The following NTM variants were observed in gnomAD, a reference collection of about 807,000 sequenced individuals.
The protein encoded by NTM is IgLON family member 2.
NTM carries 13 observed loss-of-function variants against 42.1 expected under a neutral mutation model. The ratio of observed to expected loss-of-function variants is 0.31; its 90% CI spans 0.20 to 0.49. The LOEUF is 0.49. Among genes scored for constraint, NTM ranks in the 20% least tolerant of loss-of-function variants. The pLI is 0.99. For synonymous variants in NTM, 187 were observed against 179.2 expected (o/e 1.04, Z -0.35); for missense variants, 373 against 452.8 (o/e 0.82, Z 1.60).
At chr11:131,405,562 C>T (rs1401621539) in intron 1 of NTM, among the ~76,000 whole-genome samples, 2 of 152,136 alleles carry the variant, frequency 1.3e-5, no homozygotes, top group Non-Finnish European at 2.9e-5. Context: ...GCGCCAATAC[C>T]TTCATGAAAG....
At chr11:132,013,152 G>A (rs888227710) in intron 2 of NTM, among the ~76,000 whole-genome samples, 1 of 152,146 alleles carries the variant, frequency 6.6e-6, no homozygotes, top group African/African-American at 2.4e-5. Flanking sequence ...AGTCAACAGA[G>A]ACTAGAACAA....
chr11:132,047,587 T>C (rs2078201227), intron 2 of NTM, among the ~76,000 whole-genome samples: 1 of 152,026 alleles, frequency 6.6e-6, no homozygotes. Flanking sequence ...GGCAGGGGAG[T>C]CAGCTAGAGC....
intron 2 of NTM, among the ~76,000 whole-genome samples, chr11:131,950,282 G>A (rs1017458371): frequency 2.0e-5 from 3 of 152,186 alleles, no homozygotes; most frequent in African/African-American, 7.2e-5. Flanking sequence ...ACACCTTCCT[G>A]CTTTTCCACT....
chr11:131,772,944 A>T (rs1390684071), intron 1 of NTM, among the ~76,000 whole-genome samples: 5 of 152,218 alleles, frequency 3.3e-5, no homozygotes, highest in Admixed American at 2.6e-4. Flanking sequence ...TTTTAGACAG[A>T]CAAAGAGAAG....
chr11:131,883,699 A>G (rs2049916737), intron 1 of NTM, among the ~76,000 whole-genome samples: 1 of 152,170 alleles, frequency 6.6e-6, no homozygotes, highest in East Asian at 1.9e-4. Context: ...ATATTAAAGC[A>G]AAAGGTGGTA....
In NTM at chr11:131,565,841, T is replaced by G. The variant is rs548124437; in HGVS notation, c.82+194953T>G. Among the ~76,000 whole-genome samples, 3 of 152,220 alleles carry G rather than the reference T, an allele frequency of 2.0e-5. No individual in the cohort carries two copies. In the East Asian group the frequency reaches 5.8e-4, roughly 29 times the overall value. On this transcript the variant is annotated intron_variant, in intron 1 of 8. Coordinates refer to ENST00000683400, the MANE Select transcript of NTM (RefSeq NM_001352005.2). ...CATGTCCTCAGCACAACCATGTAACTCAGTTGCCCGTCTTTTGCCTAGCAT... is the reference window on the plus strand; with the variant it reads ...CATGTCCTCAGCACAACCATGTAACGCAGTTGCCCGTCTTTTGCCTAGCAT...
chr11:131,986,285 TGA>T (rs1403540106), intron 2 of NTM, among the ~76,000 whole-genome samples: 1 of 152,216 alleles, frequency 6.6e-6, no homozygotes, highest in Non-Finnish European at 1.5e-5. Context: ...AGAGATTGGA[TGA>T]GAGTCATCTG....
At chr11:131,670,753 G>T (rs952521662) in intron 1 of NTM, among the ~76,000 whole-genome samples, 2 of 152,176 alleles carry the variant, frequency 1.3e-5, no homozygotes, top group African/African-American at 4.8e-5. Flanking sequence ...TTCTCGACAT[G>T]GATGCTGTCC....
chr11:132,333,818 G>C (rs1343871864), intron 8 of NTM, among the ~76,000 whole-genome samples: 14 of 152,198 alleles, frequency 9.2e-5, no homozygotes, highest in Admixed American at 5.9e-4. Flanking sequence ...AAAAGGCCAA[G>C]ACATAAAATC....
At chr11:132,280,375 G>T (rs112993247) in intron 4 of NTM, among the ~76,000 whole-genome samples, 27 of 151,896 alleles carry the variant, frequency 1.8e-4, no homozygotes, top group African/African-American at 6.0e-4. Context: ...CTCGCCTAGG[G>T]TGCACCAGCT....
chr11:132,016,190 G>A (rs1049415826), intron 2 of NTM, among the ~76,000 whole-genome samples: 5 of 150,520 alleles, frequency 3.3e-5, no homozygotes, highest in African/African-American at 1.2e-4. Flanking sequence ...TCTTTGTTTT[G>A]TTGATGTGAT....
intron 1 of NTM, among the ~76,000 whole-genome samples, chr11:131,716,175 C>T (rs191404905): frequency 4.2e-4 from 64 of 152,252 alleles, no homozygotes; most frequent in Non-Finnish European, 7.1e-4. Flanking sequence ...TGGAAGGGGA[C>T]GAACAAGTTC....
chr11:131,729,302 T>C (rs531662807), intron 1 of NTM, among the ~76,000 whole-genome samples: 14 of 152,276 alleles, frequency 9.2e-5, no homozygotes, highest in Admixed American at 3.3e-4. Context: ...GAAATATTGG[T>C]ACAGTGCACT....
intron 1 of NTM, among the ~76,000 whole-genome samples, chr11:131,619,498 A>G (rs1322814746): frequency 1.3e-5 from 2 of 152,236 alleles, no homozygotes; most frequent in African/African-American, 4.8e-5. Flanking sequence ...GCAGAAAGAA[A>G]GAAATTGAAA....
At chr11:132,108,482 T>TGGG (rs1456468874) in intron 2 of NTM, among the ~76,000 whole-genome samples, 1 of 152,082 alleles carries the variant, frequency 6.6e-6, no homozygotes, top group Non-Finnish European at 1.5e-5. Context: ...AGCTAAACTC[T>TGGG]GAGGACGCAA....
At chr11:132,311,173 G>A (rs1040458895) in intron 6 of NTM, among the ~76,000 whole-genome samples, 10 of 152,162 alleles carry the variant, frequency 6.6e-5, no homozygotes, top group African/African-American at 2.4e-4. Flanking sequence ...CCCACGCTGT[G>A]TGCACGTCTT....
At chr11:132,075,986 T>C (rs374073469) in intron 2 of NTM, among the ~76,000 whole-genome samples, 8 of 152,322 alleles carry the variant, frequency 5.3e-5, no homozygotes, top group Non-Finnish European at 1.2e-4. Context: ...ATCAATAGCA[T>C]ACTTTCATCA....
intron 4 of NTM, among the ~76,000 whole-genome samples, chr11:132,264,276 A>G (rs1204238234): frequency 6.6e-6 from 1 of 152,136 alleles, no homozygotes; most frequent in African/African-American, 2.4e-5. Flanking sequence ...CATATTTCAT[A>G]TATTTATTGG....
chr11:131,425,728 C>T (rs1391391235), intron 1 of NTM, among the ~76,000 whole-genome samples: 1 of 152,050 alleles, frequency 6.6e-6, no homozygotes, highest in Non-Finnish European at 1.5e-5. Flanking sequence ...GGGGGCTGAT[C>T]AGTATCTATA....
Sources: allele counts gnomAD v4.1 joint callset (sites outside exome capture counted in the v4.1 genomes callset), GRCh38; gene constraint gnomAD v4.1.1; transcripts MANE v1.5; gene names NCBI Gene and HGNC (gene_info 2026-07-23, HGNC 2026-07-21).